MAST4: variants seen among roughly 807,000 people sequenced by gnomAD.
MAST4 encodes the protein microtubule-associated serine/threonine-protein kinase 4.
A neutral mutation model predicts 162.7 loss-of-function variants in MAST4; 89 were observed. The ratio of observed to expected loss-of-function variants is 0.55; its 90% CI spans 0.46 to 0.65. The LOEUF (loss-of-function observed/expected upper bound fraction) is 0.65. Among genes scored for constraint, MAST4 ranks in the 30% least tolerant of loss-of-function variants. MAST4 has a pLI of 0.00. For missense variants in MAST4, 3,153 were observed against 3,374.0 expected, an observed-to-expected ratio of 0.93 and a Z score of 1.62; for synonymous variants, 1,479 against 1,361.1, an observed-to-expected ratio of 1.09 and a Z score of -1.91.
At chr5:66,926,348 G>C (rs894305579) in intron 4 of MAST4, among the ~76,000 whole-genome samples, 1 of 152,148 alleles carries the variant, frequency 6.6e-6, no homozygotes, top group African/African-American at 2.4e-5. Flanking sequence ...AGGAGTTCAA[G>C]GCCAGCCTGA....
intron 1 of MAST4, among the ~76,000 whole-genome samples, chr5:66,704,393 A>G (rs1466498656): frequency 6.6e-6 from 1 of 152,076 alleles, no homozygotes; most frequent in African/African-American, 2.4e-5. Context: ...GTTTTGAGCT[A>G]CAGGCTAGAC....
At chr5:66,599,546 A>G (rs971059245) in intron 1 of MAST4, among the ~76,000 whole-genome samples, 7 of 152,234 alleles carry the variant, frequency 4.6e-5, no homozygotes, top group Admixed American at 2.0e-4. Context: ...AGTAGCTAAC[A>G]TATAGCATCA....
At chr5:67,082,135 ACTACC>A (rs1762727423) in intron 5 of MAST4, among the ~76,000 whole-genome samples, 1 of 150,834 alleles carries the variant, frequency 6.6e-6, no homozygotes, top group Non-Finnish European at 1.5e-5. Context: ...CTGCAAAACA[ACTACC>A]TGTAATCTTT....
At chr5:67,094,812 A>G (rs1764254166) in intron 6 of MAST4, among the ~76,000 whole-genome samples, 1 of 152,198 alleles carries the variant, frequency 6.6e-6, no homozygotes, top group African/African-American at 2.4e-5. Context: ...ACTTGAAGAT[A>G]AAACCACCCT....
chr5:66,606,832 A>G (rs1384681689), intron 1 of MAST4, among the ~76,000 whole-genome samples: 1 of 151,574 alleles, frequency 6.6e-6, no homozygotes, highest in Non-Finnish European at 1.5e-5. Context: ...GCGAAGCAAC[A>G]TTCTGAAAGT....
chr5:66,988,855 A>G (rs560828354), intron 4 of MAST4, among the ~76,000 whole-genome samples: 2 of 152,354 alleles, frequency 1.3e-5, no homozygotes, highest in Admixed American at 6.5e-5. Context: ...TAATTTACCC[A>G]GGAACACATA....
Position 67,142,438 on chromosome 5 carries a change from C to T in MAST4, c.2635C>T (p.His879Tyr), listed in dbSNP as rs1318158528. Reference protein sequence around the residue: ...SYFDTRSEKYHHMETEEEDDT... With the variant: ...SYFDTRSEKYYHMETEEEDDT... Reference sequence around the variant, plus strand: ...CACTGCAGCTCGGTCTGAGAAGTATCATCATATGGAAACGGAGGAAGAAGA... The same window carrying T: ...CACTGCAGCTCGGTCTGAGAAGTATTATCATATGGAAACGGAGGAAGAAGA... Residue 879 changes from histidine to tyrosine, a missense_variant, in exon 21 of 29, where the codon CAT (histidine) becomes TAT (tyrosine). His to Tyr is a moderately conservative substitution (Grantham distance 83). Transcript: ENST00000403625. 6.3e-7 allele frequency: 1 copy of T among 1,599,206 alleles called. No homozygotes were observed. Among genetic ancestry groups the T allele is most frequent in the South Asian group, 1.1e-5 (1 of 88,250 alleles).
At chr5:66,717,664 A>G (rs929835393) in intron 1 of MAST4, among the ~76,000 whole-genome samples, 2 of 152,226 alleles carry the variant, frequency 1.3e-5, no homozygotes, top group Admixed American at 6.5e-5. Flanking sequence ...GTTGCTAGGC[A>G]TTTAATAGAT....
intron 1 of MAST4, among the ~76,000 whole-genome samples, chr5:66,691,190 C>A (rs1443869933): frequency 6.6e-6 from 1 of 152,036 alleles, no homozygotes. Context: ...ATTTTATATA[C>A]TAAAAAATTT....
chr5:67,083,973 A>T (rs35840492), intron 5 of MAST4, among the ~76,000 whole-genome samples: 30,059 of 152,138 alleles, frequency 0.2, 3,051 homozygotes, highest in Middle Eastern at 0.26. Flanking sequence ...ATTCAGAGTA[A>T]TAAGGAAGGG....
At chr5:66,697,054 G>A (rs1749452503) in intron 1 of MAST4, among the ~76,000 whole-genome samples, 1 of 152,172 alleles carries the variant, frequency 6.6e-6, no homozygotes. Flanking sequence ...TTGTGCGATC[G>A]GTGGACAGAC....
intron 9 of MAST4, among the ~76,000 whole-genome samples, 190 bp from the exon 10 acceptor site, chr5:67,104,176 A>G (rs1185961243): frequency 6.6e-6 from 1 of 152,232 alleles, no homozygotes; most frequent in African/African-American, 2.4e-5. Context: ...CAATGGGTTC[A>G]GACAAATGTC....
At chr5:67,109,989 A>C in intron 10 of MAST4, 109 bp from the exon 11 acceptor site, 1 of 734,898 alleles carries the variant, frequency 1.4e-6, no homozygotes. Flanking sequence ...TTTCTAAATT[A>C]CTCGATTTTT....
chr5:67,056,499 G>A (rs766780949), intron 5 of MAST4, among the ~76,000 whole-genome samples: 13 of 152,174 alleles, frequency 8.5e-5, no homozygotes, highest in Non-Finnish European at 1.6e-4. Flanking sequence ...TTATGTGCCT[G>A]TTGATTCATC....
At chr5:66,946,267 T>C (rs1182370467) in intron 4 of MAST4, among the ~76,000 whole-genome samples, 1 of 152,184 alleles carries the variant, frequency 6.6e-6, no homozygotes, top group African/African-American at 2.4e-5. Flanking sequence ...TATTTTTCTT[T>C]AACTCTTTTT....
rs1347372877 is a variant in MAST4, at chr5:67,163,601, G to C, written c.4422G>C (p.Glu1474Asp). The C allele has an allele frequency of 6.2e-7, 1 of 1,600,210 alleles. No individual in the cohort carries two copies. The highest frequency in any genetic ancestry group is 1.1e-5 in the South Asian group (1 of 89,088). The change falls in exon 29 of 29, where the codon GAG (glutamate) becomes GAC (aspartate). Residue 1474 changes from glutamate (E) to aspartate (D), a missense_variant. By Grantham distance (45) the Glu-to-Asp change is conservative. Coordinates refer to ENST00000403625, the MANE Select transcript of MAST4 (RefSeq NM_001164664.2). The surrounding 1 kb of genome is among the most constrained non-coding windows in gnomAD (Gnocchi z 7.0). ...ACAGCCTGGAGGTGACCCAAGAGGA[G>C]GTGCAGCGGGAGCAGTCCCAGCGGG... ...RKHSLEVTQE[E>D]VQREQSQREA...
intron 5 of MAST4, among the ~76,000 whole-genome samples, chr5:67,078,714 T>TA (rs1459005574): frequency 0.015 from 1,834 of 121,444 alleles, 49 homozygotes; most frequent in African/African-American, 0.064. Context: ...ATAATATTTA[T>TA]TTATATTATA....
intron 1 of MAST4, among the ~76,000 whole-genome samples, chr5:66,643,634 T>C (rs767184437): frequency 6.6e-6 from 1 of 152,186 alleles, no homozygotes; most frequent in Non-Finnish European, 1.5e-5. Context: ...CAGCTGTTTT[T>C]TTCTATGCCA....
At chr5:66,729,686 G>A (rs1751725966) in intron 1 of MAST4, among the ~76,000 whole-genome samples, 1 of 152,130 alleles carries the variant, frequency 6.6e-6, no homozygotes, top group Non-Finnish European at 1.5e-5. Context: ...CCCCCACTGT[G>A]GGAAGCCATC....
Sources: allele counts gnomAD v4.1 joint callset (sites outside exome capture counted in the v4.1 genomes callset), GRCh38; gene constraint gnomAD v4.1.1; non-coding constraint Gnocchi (gnomAD v3.1); transcripts MANE v1.5; gene names NCBI Gene and HGNC (gene_info 2026-07-23, HGNC 2026-07-21).